Variants in CSMD1 observed in about 807,000 individuals in gnomAD.
The protein encoded by CSMD1 is CUB and Sushi multiple domains 1, also known as CUB and sushi domain-containing protein 1.
CSMD1 carries 213 observed loss-of-function variants against 417.5 expected under a neutral mutation model. The observed-to-expected ratio is 0.51, with a 90% CI of 0.46 to 0.57. The LOEUF (loss-of-function observed/expected upper bound fraction) is 0.57. Among genes scored for constraint, CSMD1 ranks in the 20% least tolerant of loss-of-function variants. The pLI, the probability that CSMD1 is intolerant of heterozygous loss-of-function variation, is 0.00. For missense variants in CSMD1, 6,923 were observed against 4,529.7 expected, an observed-to-expected ratio of 1.53 and a Z score of -15.17; for synonymous variants, 2,862 against 1,736.8, an observed-to-expected ratio of 1.65 and a Z score of -16.11.
In CSMD1 at chr8:4,332,608, G is replaced by C. The variant is rs75211114; in HGVS notation, c.415+87345C>G. ...ACACACACACACACACACACACACAGAGTCATATGCAGAGACATTCAGATA... is the reference window on the plus strand; with the variant it reads ...ACACACACACACACACACACACACACAGTCATATGCAGAGACATTCAGATA... On this transcript the variant is annotated intron_variant, in intron 3 of 69. Coordinates refer to ENST00000635120, the MANE Select transcript of CSMD1 (RefSeq NM_033225.6). Among the ~76,000 whole-genome samples, 91 of 93,564 alleles carry C rather than the reference G, an allele frequency of 9.7e-4. 1 individual carries two copies. The highest frequency in any genetic ancestry group is 2.7e-3 in the African/African-American group (53 of 19,350). The allele number at this position is 93,564 out of a possible 152,430, so 61.4% of individuals were successfully genotyped here.
intron 7 of CSMD1, among the ~76,000 whole-genome samples, chr8:3,704,082 A>T (rs1801026399): frequency 1.3e-5 from 2 of 152,200 alleles, no homozygotes; most frequent in Non-Finnish European, 2.9e-5. Context: ...AAAAACAAAA[A>T]CAAAAAAACT....
chr8:3,480,385 G>C (rs187219681), intron 11 of CSMD1, among the ~76,000 whole-genome samples: 15 of 151,910 alleles, frequency 9.9e-5, no homozygotes, highest in African/African-American at 2.7e-4. Context: ...AAATTAAAAG[G>C]AAAAACGAAT....
intron 3 of CSMD1, among the ~76,000 whole-genome samples, chr8:4,121,692 G>GT (rs757811466): frequency 4.8e-4 from 73 of 150,988 alleles, no homozygotes; most frequent in Non-Finnish European, 8.5e-4. Context: ...GTTGAAGAGG[G>GT]TTTTCATCAT....
intron 2 of CSMD1, among the ~76,000 whole-genome samples, chr8:4,471,908 C>G (rs925560493): frequency 1.3e-5 from 2 of 152,020 alleles, no homozygotes; most frequent in African/African-American, 4.8e-5. Context: ...AAGGTGTTTC[C>G]AATGATTAGG....
chr8:3,871,693 C>A (rs1032912374), intron 5 of CSMD1, among the ~76,000 whole-genome samples: 2 of 152,212 alleles, frequency 1.3e-5, no homozygotes, highest in African/African-American at 4.8e-5. Context: ...CATTTTCACC[C>A]AGGTAAATGT....
At chr8:3,577,330 T>C (rs893294344) in intron 9 of CSMD1, among the ~76,000 whole-genome samples, 1 of 152,220 alleles carries the variant, frequency 6.6e-6, no homozygotes, top group African/African-American at 2.4e-5. Context: ...AGTACCAAGT[T>C]TCACACAAAG....
At chr8:3,657,384 T>C (rs1160033526) in intron 7 of CSMD1, among the ~76,000 whole-genome samples, 1 of 152,016 alleles carries the variant, frequency 6.6e-6, no homozygotes, top group Non-Finnish European at 1.5e-5. Context: ...ACTATAAAAC[T>C]GTATGGTATC....
chr8:4,597,967 AAT>A (rs1285965173), intron 2 of CSMD1, among the ~76,000 whole-genome samples: 5 of 151,678 alleles, frequency 3.3e-5, no homozygotes, highest in Non-Finnish European at 5.9e-5. Flanking sequence ...ATTATTTTAA[AAT>A]ATATGTGATT....
At chr8:4,479,997 A>G (rs1312544994) in intron 2 of CSMD1, among the ~76,000 whole-genome samples, 3 of 151,804 alleles carry the variant, frequency 2.0e-5, no homozygotes, top group East Asian at 1.9e-4. Context: ...GTCAACAAAA[A>G]AAAGCAAACT....
At chr8:3,512,155 G>A (rs1215886463) in intron 10 of CSMD1, among the ~76,000 whole-genome samples, 2 of 152,174 alleles carry the variant, frequency 1.3e-5, no homozygotes, top group African/African-American at 2.4e-5. Context: ...CACCAAACAT[G>A]TCCTTGGCAG....
intron 3 of CSMD1, among the ~76,000 whole-genome samples, chr8:4,399,817 A>C (rs1414788139): frequency 6.6e-6 from 1 of 152,180 alleles, no homozygotes; most frequent in East Asian, 1.9e-4. Context: ...GAAGCTATTA[A>C]AATAAGTTTT....
chr8:3,459,818 C>G (rs983355322), intron 12 of CSMD1, among the ~76,000 whole-genome samples: 2 of 152,106 alleles, frequency 1.3e-5, no homozygotes, highest in African/African-American at 2.4e-5. Flanking sequence ...TCTGTGTTGA[C>G]TCATTGGCTA....
At chr8:4,190,053 T>A (rs532683043) in intron 3 of CSMD1, among the ~76,000 whole-genome samples, 96 of 151,518 alleles carry the variant, frequency 6.3e-4, no homozygotes, top group African/African-American at 2.2e-3. Context: ...GGTCAGGAGA[T>A]CGAGACCATC....
chr8:4,796,294 G>C (rs534566423), intron 1 of CSMD1, among the ~76,000 whole-genome samples: 1 of 152,084 alleles, frequency 6.6e-6, no homozygotes, highest in South Asian at 2.1e-4. Context: ...TTGGCAGAAG[G>C]CATTCCATGG....
At chr8:3,886,886 G>A (rs760736317) in intron 5 of CSMD1, among the ~76,000 whole-genome samples, 31 of 152,132 alleles carry the variant, frequency 2.0e-4, no homozygotes, top group Non-Finnish European at 4.0e-4. Flanking sequence ...CTCTCGCATG[G>A]TAATGATTCA....
intron 7 of CSMD1, among the ~76,000 whole-genome samples, chr8:3,663,405 G>C (rs1300436152): frequency 6.6e-6 from 1 of 152,076 alleles, no homozygotes; most frequent in Non-Finnish European, 1.5e-5. Flanking sequence ...CTGCTTTTAA[G>C]ACATGTGGAC....
At chr8:2,974,257 G>C (rs1260081417) in intron 56 of CSMD1, among the ~76,000 whole-genome samples, 194 bp downstream of exon 56, 1 of 152,248 alleles carries the variant, frequency 6.6e-6, no homozygotes, top group African/African-American at 2.4e-5. Flanking sequence ...AAGTAATGGT[G>C]TCTAACGATT....
chr8:4,724,177 T>C (rs535264316), intron 1 of CSMD1, among the ~76,000 whole-genome samples: 62 of 152,232 alleles, frequency 4.1e-4, no homozygotes, highest in South Asian at 8.3e-4. Context: ...AGAATGCTTT[T>C]CATGAGTTTT....
intron 10 of CSMD1, among the ~76,000 whole-genome samples, chr8:3,525,193 C>G (rs2117476780): frequency 6.6e-6 from 1 of 152,248 alleles, no homozygotes; most frequent in South Asian, 2.1e-4. Flanking sequence ...TGAGACTCAG[C>G]CGTCAGAAAT....
Sources: allele counts gnomAD v4.1 joint callset (sites outside exome capture counted in the v4.1 genomes callset), GRCh38; gene constraint gnomAD v4.1.1; transcripts MANE v1.5; gene names NCBI Gene and HGNC (gene_info 2026-07-23, HGNC 2026-07-21).